Variants in DDR2 observed in about 807,000 individuals in gnomAD.
DDR2 encodes discoidin domain-containing receptor 2.
A neutral mutation model predicts 94.9 loss-of-function variants in DDR2; 27 were observed. The observed-to-expected ratio is 0.28, with a 90% CI of 0.21 to 0.39. The LOEUF is 0.39. Ranked by LOEUF, DDR2 falls within the 10% of genes least tolerant of loss-of-function variation. The pLI, the probability that DDR2 is intolerant of heterozygous loss-of-function variation, is 1.00. For missense variants in DDR2, 783 were observed against 1,076.0 expected, an observed-to-expected ratio of 0.73 and a Z score of 3.81; for synonymous variants, 382 against 377.2, an observed-to-expected ratio of 1.01 and a Z score of -0.15.
At chr1:162,683,344 T>G (rs1377508779) in intron 2 of DDR2, among the ~76,000 whole-genome samples, 2 of 152,048 alleles carry the variant, frequency 1.3e-5, no homozygotes, top group Admixed American at 1.3e-4. Flanking sequence ...GAAAAGAAAT[T>G]AAAGGCATAC....
At chr1:162,731,353 T>C (rs1662038107) in intron 3 of DDR2, among the ~76,000 whole-genome samples, 1 of 152,228 alleles carries the variant, frequency 6.6e-6, no homozygotes, top group African/African-American at 2.4e-5. Flanking sequence ...CTAGCTTATC[T>C]AATTGTTCCT....
chr1:162,689,500 T>C (rs1483013537), intron 2 of DDR2, among the ~76,000 whole-genome samples: 1 of 152,104 alleles, frequency 6.6e-6, no homozygotes, highest in Non-Finnish European at 1.5e-5. Context: ...ACCGGTCCCC[T>C]GTCAGGCTTT....
intron 2 of DDR2, among the ~76,000 whole-genome samples, chr1:162,701,545 CCTGCTTTTGCACT>C (rs1315954603): frequency 2.6e-5 from 4 of 152,184 alleles, no homozygotes; most frequent in African/African-American, 9.6e-5. Context: ...GTCAAGTTAA[CCTGCTTTTGCACT>C]CTGGTGAACA....
chr1:162,759,872 G>C lies in DDR2; in HGVS notation c.748G>C (p.Val250Leu), dbSNP rs1484743299. ...DDFTQTHEYH[V>L]WPGYDYVGWR... ...TTTCACCCAGACCCATGAATACCAC[G>C]TGTGGCCCGGCTATGACTATGTGGG... The change falls in exon 8 of 18, where the codon GTG (valine) becomes CTG (leucine). Residue 250 changes from valine (V) to leucine (L), a missense_variant. Around this residue, in one of 2 missense-constraint regions of DDR2, gnomAD observed 519 missense variants for 647.9 expected, o/e 0.80. Transcript: ENST00000367921. 1 of 1,614,100 alleles carries C rather than the reference G, an allele frequency of 6.2e-7. No homozygotes were observed.
intron 2 of DDR2, among the ~76,000 whole-genome samples, chr1:162,702,011 G>A (rs1660454761): frequency 6.6e-6 from 1 of 152,082 alleles, no homozygotes; most frequent in South Asian, 2.1e-4. Context: ...GCTGTATTAA[G>A]CTCCTTGAAA....
intron 3 of DDR2, among the ~76,000 whole-genome samples, chr1:162,741,252 T>TATAATATAATATAATATA (rs57099786): frequency 4.9e-4 from 47 of 96,594 alleles, no homozygotes; most frequent in East Asian, 2.4e-3. Context: ...TATAGTATAA[T>TATAATATAATATAATATA]GTAATGTAAT....
chr1:162,689,066 T>TC (rs1167453795), intron 2 of DDR2, among the ~76,000 whole-genome samples: 26 of 152,338 alleles, frequency 1.7e-4, no homozygotes, highest in African/African-American at 5.1e-4. Flanking sequence ...GTTCCAGTGA[T>TC]CAGTGCTGGC....
intron 2 of DDR2, among the ~76,000 whole-genome samples, chr1:162,713,784 T>C (rs951614089): frequency 6.6e-6 from 1 of 152,206 alleles, no homozygotes; most frequent in Admixed American, 6.5e-5. Flanking sequence ...TGTTAAAAAA[T>C]ATATTGCAAA....
chr1:162,773,148 T>C (rs569251589), intron 13 of DDR2, among the ~76,000 whole-genome samples: 4 of 152,336 alleles, frequency 2.6e-5, no homozygotes, highest in Admixed American at 6.5e-5. Context: ...TGAATCGAAG[T>C]TCAAGCATTT....
chr1:162,749,965 T>A (rs1222592465), intron 3 of DDR2, among the ~76,000 whole-genome samples: 1 of 152,204 alleles, frequency 6.6e-6, no homozygotes, highest in Non-Finnish European at 1.5e-5. Flanking sequence ...CAACAGCCCT[T>A]CATGCTAAAA....
intron 2 of DDR2, among the ~76,000 whole-genome samples, chr1:162,664,883 A>AT (rs1022651515): frequency 4.7e-4 from 72 of 152,104 alleles, no homozygotes; most frequent in Non-Finnish European, 5.7e-4. Context: ...GATTCTGAGA[A>AT]TTTTTTTACT....
intron 1 of DDR2, among the ~76,000 whole-genome samples, chr1:162,638,020 T>A (rs879162148): frequency 7.9e-5 from 12 of 152,278 alleles, no homozygotes; most frequent in South Asian, 2.1e-4. Context: ...TACTTTTTTT[T>A]AATTTTTTTT....
intron 3 of DDR2, among the ~76,000 whole-genome samples, chr1:162,742,900 G>A (rs2684864): frequency 0.82 from 124,396 of 152,000 alleles, 52,273 homozygotes; most frequent in Non-Finnish European, 0.92. Context: ...ATCAGATCTC[G>A]TGAGACTTAT....
chr1:162,696,957 T>C (rs973084112), intron 2 of DDR2, among the ~76,000 whole-genome samples: 3 of 152,084 alleles, frequency 2.0e-5, no homozygotes, highest in African/African-American at 7.2e-5. Flanking sequence ...CTGCTGAGAT[T>C]TCTATTATAC....
chr1:162,689,842 T>TAAAAAAAAAAAAAAAAAAAAAAA (rs1158650637), intron 2 of DDR2, among the ~76,000 whole-genome samples: 1 of 10,924 alleles, frequency 9.2e-5, no homozygotes, highest in East Asian at 3.1e-3. Context: ...CATCTCTACT[T>TAAAAAAAAAAAAAAAAAAAAAAA]AAAAAAAAAA....
intron 2 of DDR2, among the ~76,000 whole-genome samples, chr1:162,672,323 G>A (rs542431320): frequency 6.6e-6 from 1 of 152,264 alleles, no homozygotes; most frequent in Admixed American, 6.5e-5. Context: ...CATAATTTTA[G>A]CATTCCGTCC....
At chr1:162,677,446 C>T (rs539123563) in intron 2 of DDR2, among the ~76,000 whole-genome samples, 22 of 152,314 alleles carry the variant, frequency 1.4e-4, no homozygotes, top group Non-Finnish European at 2.9e-4. Flanking sequence ...TTGCAATGCT[C>T]TACTCATGGA....
At chr1:162,763,915 C>A (rs988263436) in intron 9 of DDR2, among the ~76,000 whole-genome samples, 1 of 152,108 alleles carries the variant, frequency 6.6e-6, no homozygotes, top group Non-Finnish European at 1.5e-5. Flanking sequence ...ACAGCATTTT[C>A]TTCATCCTAT....
At chr1:162,774,685 A>G (rs1381749311) in intron 14 of DDR2, among the ~76,000 whole-genome samples, 1 of 152,184 alleles carries the variant, frequency 6.6e-6, no homozygotes, top group African/African-American at 2.4e-5. Context: ...GACATAGGAT[A>G]TGACAAAGCC....
Sources: allele counts gnomAD v4.1 joint callset (sites outside exome capture counted in the v4.1 genomes callset), GRCh38; gene constraint gnomAD v4.1.1; regional missense constraint gnomAD v4.1.1; transcripts MANE v1.5; gene names NCBI Gene and HGNC (gene_info 2026-07-23, HGNC 2026-07-21).